Variants in LIMS1 observed in about 807,000 individuals in gnomAD.
LIMS1 encodes the protein LIM and senescent cell antigen-like-containing domain protein 1.
LIMS1 carries 18 observed loss-of-function variants against 44.1 expected under a neutral mutation model. That is an observed-to-expected ratio of 0.41 (90% CI 0.28 to 0.61). The LOEUF is 0.61. Among genes scored for constraint, LIMS1 ranks in the 20% least tolerant of loss-of-function variants. LIMS1 has a pLI of 0.32. For missense variants in LIMS1, 201 were observed against 422.0 expected, an observed-to-expected ratio of 0.48 and a Z score of 4.59; for synonymous variants, 93 against 149.1, an observed-to-expected ratio of 0.62 and a Z score of 2.74.
At chr2:108,647,544 A>G (rs1690159048) in intron 1 of LIMS1, among the ~76,000 whole-genome samples, 1 of 152,236 alleles carries the variant, frequency 6.6e-6, no homozygotes, top group Non-Finnish European at 1.5e-5. Flanking sequence ...TCCCTGATGA[A>G]CATCAATGCG....
chr2:108,607,403 T>C, intron 1 of LIMS1: 1 of 773,134 alleles, frequency 1.3e-6, no homozygotes, highest in Non-Finnish European at 2.2e-6. Flanking sequence ...AAGGGTGTAT[T>C]TTTGTGCATC....
intron 5 of LIMS1, chr2:108,673,703 CTTA>C (rs1397676602): frequency 6.6e-6 from 1 of 152,188 alleles, no homozygotes; most frequent in African/African-American, 2.4e-5. Context: ...CCACAATACT[CTTA>C]TTATGCCTAA....
intron 3 of LIMS1, chr2:108,671,120 G>A (rs891803874): frequency 2.0e-5 from 9 of 446,564 alleles, no homozygotes; most frequent in Non-Finnish European, 3.2e-5. Context: ...GCAGTGAGCT[G>A]AGATTGCACC....
At chr2:108,567,206 G>A (rs1685322199) in intron 1 of LIMS1, among the ~76,000 whole-genome samples, 6 of 152,172 alleles carry the variant, frequency 3.9e-5, no homozygotes, top group Non-Finnish European at 1.5e-5. Flanking sequence ...TCCCATGTCT[G>A]CTTGGGTTTT....
intron 1 of LIMS1, among the ~76,000 whole-genome samples, chr2:108,612,970 C>G (rs1687737869): frequency 6.6e-6 from 1 of 152,128 alleles, no homozygotes; most frequent in African/African-American, 2.4e-5. Flanking sequence ...GGCCCTGGGA[C>G]AGTGCAGTTT....
At chr2:108,669,261 A>G (rs982676434) in intron 2 of LIMS1, among the ~76,000 whole-genome samples, 1 of 152,114 alleles carries the variant, frequency 6.6e-6, no homozygotes, top group African/African-American at 2.4e-5. Context: ...TACAAAAATT[A>G]GCTGGACATG....
chr2:108,597,875 G>C (rs1412248648), intron 1 of LIMS1, among the ~76,000 whole-genome samples: 2 of 151,694 alleles, frequency 1.3e-5, no homozygotes, highest in Non-Finnish European at 2.9e-5. Flanking sequence ...GTATTTTTTA[G>C]TAGAGACGGG....
exon 10 of LIMS1, chr2:108,684,000 GTTCCTTTATTTTTTCTTTTC>G (rs1663646537): frequency 4.8e-6 from 7 of 1,460,362 alleles, no homozygotes; most frequent in Non-Finnish European, 6.6e-6. Context: ...AAGGAAATAA[GTTCCTTTATTTTTTCTTTTC>G]TATGCAAGAT....
At chr2:108,642,493 G>C (rs1158708327) in intron 1 of LIMS1, among the ~76,000 whole-genome samples, 5 of 151,300 alleles carry the variant, frequency 3.3e-5, no homozygotes, top group African/African-American at 9.7e-5. Flanking sequence ...CCGAGTAGCT[G>C]GGACTACAGG....
At chr2:108,621,031 G>A (rs549926717) in intron 1 of LIMS1, among the ~76,000 whole-genome samples, 52 of 152,120 alleles carry the variant, frequency 3.4e-4, no homozygotes, top group Non-Finnish European at 5.9e-4. Flanking sequence ...TCCTGGCAAG[G>A]TTTTTAAAGG....
At chr2:108,541,901 C>A (rs1684329163) in intron 1 of LIMS1, among the ~76,000 whole-genome samples, 3 of 152,060 alleles carry the variant, frequency 2.0e-5, no homozygotes, top group Admixed American at 6.6e-5. Context: ...ATTTTGAATT[C>A]TTTTTTGGTA....
At chr2:108,551,953 G>GTGTGTA (rs56703030) in intron 1 of LIMS1, among the ~76,000 whole-genome samples, 14 of 85,290 alleles carry the variant, frequency 1.6e-4, no homozygotes, top group African/African-American at 4.4e-4. Flanking sequence ...GTGTGTGTGT[G>GTGTGTA]TATATATATA....
intron 2 of LIMS1, among the ~76,000 whole-genome samples, chr2:108,665,142 G>A (rs868439849): frequency 6.6e-6 from 1 of 152,166 alleles, no homozygotes; most frequent in Admixed American, 6.5e-5. Flanking sequence ...AGATATGCAC[G>A]CCCCTTAACC....
At chr2:108,676,331 C>G (rs1692562499) in intron 6 of LIMS1, among the ~76,000 whole-genome samples, 1 of 152,210 alleles carries the variant, frequency 6.6e-6, no homozygotes, top group Non-Finnish European at 1.5e-5. Flanking sequence ...TGGTCTGTAT[C>G]CAGCAGCAGC....
Position 108,673,336 on chromosome 2 carries a change from G to A in LIMS1, c.530+307G>A, listed in dbSNP as rs546630526. 27 of 440,958 alleles carry A rather than the reference G, an allele frequency of 6.1e-5. No homozygotes were observed. The East Asian group carries it at 6.9e-4, about 11-fold the overall frequency. 27.3% of individuals were successfully genotyped at this position (440,958 alleles called of 1,614,324 possible). A position where few individuals can be genotyped will look rare whatever the true frequency, so the allele number is the denominator to read the frequency against. ...AAATTTCTCATGAGTCCCAGTATGCGTCTCCTGAGAATAAGAGCATTTTCC... is the reference window on the plus strand; with the variant it reads ...AAATTTCTCATGAGTCCCAGTATGCATCTCCTGAGAATAAGAGCATTTTCC... On this transcript the variant is annotated intron_variant, in intron 5 of 9. Transcript: ENST00000544547.
intron 1 of LIMS1, among the ~76,000 whole-genome samples, chr2:108,547,785 C>T (rs1305095907): frequency 6.6e-6 from 1 of 152,124 alleles, no homozygotes; most frequent in East Asian, 1.9e-4. Context: ...TAGAATATAT[C>T]GGTTCCCTTG....
intron 1 of LIMS1, among the ~76,000 whole-genome samples, chr2:108,600,969 T>C (rs528222573): frequency 1.3e-5 from 2 of 150,402 alleles, no homozygotes; most frequent in Non-Finnish European, 2.9e-5. Context: ...AGTCTTACTC[T>C]GTCACCCAGG....
chr2:108,546,991 T>C (rs1487715793), intron 1 of LIMS1, among the ~76,000 whole-genome samples: 1 of 152,216 alleles, frequency 6.6e-6, no homozygotes, highest in Non-Finnish European at 1.5e-5. Context: ...GGCTGATAGA[T>C]AAGAGTTCTG....
intron 1 of LIMS1, among the ~76,000 whole-genome samples, chr2:108,577,614 A>G (rs371152238): frequency 6.6e-5 from 10 of 152,220 alleles, no homozygotes; most frequent in South Asian, 2.1e-4. Context: ...CATTTGCTCA[A>G]AAGTTAATTT....
Sources: gnomAD v4.1 joint callset for allele counts (sites outside exome capture counted in the v4.1 genomes callset) on GRCh38, gnomAD v4.1.1 for gene constraint, MANE v1.5 for transcripts, NCBI Gene and HGNC (gene_info 2026-07-23, HGNC 2026-07-21) for gene names.